The following FRAS1 variants were observed in gnomAD, a reference collection of about 807,000 sequenced individuals.
The protein encoded by FRAS1 is extracellular matrix organizing protein FRAS1.
A neutral mutation model predicts 435.2 loss-of-function variants in FRAS1; 290 were observed. That is an observed-to-expected ratio of 0.67 (90% CI 0.61 to 0.73). FRAS1 has a LOEUF of 0.73. Among genes scored for constraint, FRAS1 ranks in the 30% least tolerant of loss-of-function variants. The pLI is 0.00. For synonymous variants in FRAS1, 1,800 were observed against 1,851.0 expected, an observed-to-expected ratio of 0.97 and a Z score of 0.71; for missense variants, 4,860 against 5,001.5, an observed-to-expected ratio of 0.97 and a Z score of 0.85.
chr4:78,537,996 C>T lies in FRAS1; in HGVS notation c.11298+796C>T, dbSNP rs572408410. On this transcript the variant is annotated intron_variant, in intron 72 of 73. Coordinates refer to ENST00000512123, the MANE Select transcript of FRAS1 (RefSeq NM_025074.7). ...CATAATTGTTTGAAAAAGCTATTAA[C>T]TACATAGCTTTATGAGGCCAGATTT... is the stretch of plus-strand genomic sequence containing the variant. Among the ~76,000 whole-genome samples the T allele has an allele frequency of 9.3e-5, 14 of 150,440 alleles. No individual in the cohort carries two copies. In the East Asian group the frequency reaches 2.3e-3, roughly 25 times the overall value.
At chr4:78,298,003 C>CT (rs1728214991) in intron 14 of FRAS1, among the ~76,000 whole-genome samples, 1 of 119,274 alleles carries the variant, frequency 8.4e-6, no homozygotes, top group Non-Finnish European at 1.7e-5. Context: ...TTAATTTGTT[C>CT]CTCTCTCTCT....
chr4:78,441,966 A>G (rs894925795), intron 41 of FRAS1, among the ~76,000 whole-genome samples: 2 of 152,182 alleles, frequency 1.3e-5, no homozygotes, highest in Admixed American at 6.5e-5. Context: ...GTGACTGGCA[A>G]TTGAGACAGC....
At chr4:78,185,747 G>A (rs1722242467) in intron 2 of FRAS1, among the ~76,000 whole-genome samples, 1 of 152,200 alleles carries the variant, frequency 6.6e-6, no homozygotes, top group Non-Finnish European at 1.5e-5. Flanking sequence ...CAGCTAATAA[G>A]TGCAATTTGC....
Position 78,540,786 on chromosome 4 carries a change from C to G in FRAS1, c.11701C>G (p.Gln3901Glu), listed in dbSNP as rs767600968. ...QELAVAASLS[Q>E]TGASIGSALA... ...GTTGGCGGTAGCTGCGTCCCTGTCA[C>G]AGACTGGGGCGTCCATTGGCAGTGC... The change falls in exon 74 of 74, where the codon CAG becomes GAG. Residue 3901 changes from glutamine (Q) to glutamate (E), a missense_variant. Transcript: ENST00000512123. The G allele has an allele frequency of 6.2e-7, 1 of 1,613,864 alleles. No homozygotes were observed. The highest frequency in any genetic ancestry group is 8.5e-7 in the Non-Finnish European group (1 of 1,179,780).
chr4:78,281,399 T>C lies in FRAS1; in HGVS notation c.1073T>C (p.Met358Thr), dbSNP rs1005282600. The change falls in exon 11 of 74, where the codon ATG (methionine) becomes ACG (threonine). Residue 358 changes from methionine to threonine, a missense_variant and splice_region_variant. Transcript: ENST00000512123. ...YCVYEETGEF[M>T]SSNASEVKRI... ...AAAGACATTTCTCTTTGTTCCTAGATGTCATCAAATGCTAGTGAAGTTAAA... is the reference window on the plus strand; with the variant it reads ...AAAGACATTTCTCTTTGTTCCTAGACGTCATCAAATGCTAGTGAAGTTAAA... 6.4e-6 allele frequency: 10 copies of C among 1,572,222 alleles called. No homozygotes were observed. The African/African-American group carries it at 1.1e-4, about 17-fold the overall frequency.
Position 78,242,127 on chromosome 4 carries a change from A to G in FRAS1, c.217-3106A>G, listed in dbSNP as rs112812211. On this transcript the variant is annotated intron_variant, in intron 3 of 73. Transcript: ENST00000512123. ...GCTTTTGGGCTCTTTATTTCAAGTAATGAAATAGGATCATAGAATGGAAGA... is the reference window on the plus strand; with the variant it reads ...GCTTTTGGGCTCTTTATTTCAAGTAGTGAAATAGGATCATAGAATGGAAGA... 2.8e-3 allele frequency among the ~76,000 whole-genome samples: 425 copies of G among 152,316 alleles called. 2 individuals are homozygous for G. Among genetic ancestry groups the G allele is most frequent in the African/African-American group, 9.8e-3 (406 of 41,570 alleles).
intron 2 of FRAS1, among the ~76,000 whole-genome samples, chr4:78,089,529 T>G (rs1253826964): frequency 6.6e-6 from 1 of 152,162 alleles, no homozygotes; most frequent in African/African-American, 2.4e-5. Context: ...TGTGAATCAT[T>G]TATTTAGACT....
At chr4:78,195,388 G>A (rs951876510) in intron 2 of FRAS1, among the ~76,000 whole-genome samples, 2 of 152,252 alleles carry the variant, frequency 1.3e-5, no homozygotes, top group Non-Finnish European at 2.9e-5. Context: ...TGCAGAGGCA[G>A]GCAGGACTCC....
chr4:78,182,184 A>T lies in FRAS1; in HGVS notation c.109-55326A>T, dbSNP rs539638615. The T allele has an allele frequency of 3.8e-5, 25 of 664,266 alleles. No individual in the cohort carries two copies. The Admixed American group carries it at 4.1e-4, about 11-fold the overall frequency. The allele number at this position is 664,266 out of a possible 1,614,324, so 41.1% of individuals were successfully genotyped here. A position where few individuals can be genotyped will look rare whatever the true frequency, so the allele number is the denominator to read the frequency against. ...TTAATAATTTCACAAATGACCATAG[A>T]ATTATATTTGTAAGAAATGCTATAA... On this transcript the variant is annotated intron_variant, in intron 2 of 73. Transcript: ENST00000512123.
intron 2 of FRAS1, among the ~76,000 whole-genome samples, chr4:78,194,436 C>T (rs1482275232): frequency 6.6e-6 from 1 of 152,226 alleles, no homozygotes; most frequent in East Asian, 1.9e-4. Context: ...GGTCTTTTCA[C>T]ATAGTCTCAT....
intron 4 of FRAS1, among the ~76,000 whole-genome samples, chr4:78,245,761 A>G (rs1024440505): frequency 6.6e-6 from 1 of 152,208 alleles, no homozygotes. Context: ...AACCTGGTCT[A>G]GAACCCTGGT....
rs369969764 is a variant in FRAS1, at chr4:78,305,198, C to G, written c.1535-2868C>G. On this transcript the variant is annotated intron_variant, in intron 14 of 73. Coordinates refer to ENST00000512123, the MANE Select transcript of FRAS1 (RefSeq NM_025074.7). ...TGAGTGAGATTCTTAATCCTGAGTT[C>G]TAGTTTGATTGCACTGTGGTCTGAG... Among the ~76,000 whole-genome samples the G allele has an allele frequency of 3.8e-4, 58 of 152,046 alleles. No individual in the cohort carries two copies. In the East Asian group the frequency reaches 8.9e-3, roughly 23 times the overall value.
At chr4:78,450,033 C>T (rs1207514704) in intron 44 of FRAS1, 118 bp from the exon 45 acceptor site, 3 of 666,418 alleles carry the variant, frequency 4.5e-6, no homozygotes, top group Non-Finnish European at 7.3e-6. Flanking sequence ...GGGCAAGTGC[C>T]TGGTACCTAG....
intron 18 of FRAS1, among the ~76,000 whole-genome samples, chr4:78,320,484 A>G (rs1441112859): frequency 1.3e-5 from 2 of 152,094 alleles, no homozygotes; most frequent in African/African-American, 4.8e-5. Flanking sequence ...TTGCTTCTCC[A>G]TTCTCTTCCG....
At chr4:78,324,302 A>G (rs1057267179) in intron 18 of FRAS1, among the ~76,000 whole-genome samples, 2 of 152,216 alleles carry the variant, frequency 1.3e-5, no homozygotes, top group African/African-American at 4.8e-5. Context: ...TATCCCTAAT[A>G]TTGCATAAGA....
chr4:78,246,401 G>T (rs1725251511), intron 4 of FRAS1, among the ~76,000 whole-genome samples: 1 of 152,086 alleles, frequency 6.6e-6, no homozygotes, highest in African/African-American at 2.4e-5. Flanking sequence ...TCTTACTCGA[G>T]CCACTGTTTC....
intron 2 of FRAS1, chr4:78,071,880 G>C (rs1008192821): frequency 2.6e-5 from 4 of 152,126 alleles, no homozygotes; most frequent in African/African-American, 9.7e-5. Context: ...GCTTACTGGA[G>C]TACTTTTAGC....
In FRAS1 at chr4:78,499,715, C is replaced by T. The variant is rs76630865; in HGVS notation, c.9116-6C>T. On this transcript the variant is annotated splice_region_variant and splice_polypyrimidine_tract_variant and intron_variant, in intron 60 of 73. Coordinates refer to ENST00000512123, the MANE Select transcript of FRAS1 (RefSeq NM_025074.7). Reference sequence around the variant, plus strand: ...GGCTCTTGTTTTCCTAACCATATTTCCTTAGCCCCCACCATTGAGTTTGAA... The same window carrying T: ...GGCTCTTGTTTTCCTAACCATATTTTCTTAGCCCCCACCATTGAGTTTGAA... 0.18 allele frequency: 284,283 copies of T among 1,611,622 alleles called. 25,504 individuals are homozygous for T. Among genetic ancestry groups the T allele is most frequent in the Middle Eastern group, 0.22 (1,287 of 5,804 alleles).
At chr4:78,324,233 A>C (rs924866774) in intron 18 of FRAS1, among the ~76,000 whole-genome samples, 11 of 152,248 alleles carry the variant, frequency 7.2e-5, no homozygotes, top group African/African-American at 2.2e-4. Flanking sequence ...TTGATTTAGC[A>C]AATAAAAATT....
Sources: gnomAD v4.1 joint callset for allele counts (sites outside exome capture counted in the v4.1 genomes callset) on GRCh38, gnomAD v4.1.1 for gene constraint, MANE v1.5 for transcripts, NCBI Gene and HGNC (gene_info 2026-07-23, HGNC 2026-07-21) for gene names.